The following ITSN1 variants were observed in gnomAD, a reference collection of about 807,000 sequenced individuals.
ITSN1 encodes intersectin 1.
In ITSN1, 58 loss-of-function variants were observed where a neutral mutation model predicts 239.8. The observed-to-expected ratio is 0.24, with a 90% CI of 0.20 to 0.30. ITSN1 has a LOEUF of 0.30. ITSN1 is among the 10% of genes least tolerant of loss of function. The pLI, the probability that ITSN1 is intolerant of heterozygous loss-of-function variation, is 1.00. For missense variants in ITSN1, 1,558 were observed against 2,103.3 expected (o/e 0.74, Z 5.07); for synonymous variants, 780 against 770.8 (o/e 1.01, Z -0.20).
At chr21:33,761,902 C>G in intron 8 of ITSN1, 21 bp from the exon 9 acceptor site, 1 of 1,602,606 alleles carries the variant, frequency 6.2e-7, no homozygotes, top group Non-Finnish European at 8.6e-7. Flanking sequence ...TCTGTATGTC[C>G]TTTTCCTGGT....
chr21:33,859,526 C>T (rs1038768515), intron 31 of ITSN1, among the ~76,000 whole-genome samples: 1 of 152,202 alleles, frequency 6.6e-6, no homozygotes, highest in Non-Finnish European at 1.5e-5. Flanking sequence ...GATTAAGTCA[C>T]AGCCTGCAGG....
intron 27 of ITSN1, among the ~76,000 whole-genome samples, chr21:33,831,541 A>G (rs1260823441): frequency 1.3e-5 from 2 of 152,180 alleles, no homozygotes; most frequent in Non-Finnish European, 2.9e-5. Flanking sequence ...TTTGCCATGC[A>G]GTGGACTAGC....
chr21:33,727,967 ATTT>A (rs1257578712), intron 4 of ITSN1, among the ~76,000 whole-genome samples: 5 of 137,204 alleles, frequency 3.6e-5, no homozygotes, highest in Non-Finnish European at 4.8e-5. Flanking sequence ...AGCAGCTGGA[ATTT>A]TTTTTTTTTT....
intron 1 of ITSN1, among the ~76,000 whole-genome samples, chr21:33,695,426 G>T (rs1212656223): frequency 6.6e-6 from 1 of 152,212 alleles, no homozygotes; most frequent in African/African-American, 2.4e-5. Flanking sequence ...ATGTTATTCA[G>T]TGAAGTACAT....
rs899776395 is a variant in ITSN1 at position 33,872,809 on chromosome 21, T to C, written c.4174-2545T>C. 4.6e-5 allele frequency among the ~76,000 whole-genome samples: 7 copies of C among 152,150 alleles called. 1 individual carries two copies. The highest frequency in any genetic ancestry group is 3.2e-3 in the Middle Eastern group (1 of 316). On this transcript the variant is annotated intron_variant, in intron 33 of 39. Coordinates refer to ENST00000381318, the MANE Select transcript of ITSN1 (RefSeq NM_003024.3). Reference sequence around the variant, plus strand: ...GGCCTCCCAAAGCAATTTTTATTCTTGAAATAATGGGGAGATTATTAGTGA... The same window carrying C: ...GGCCTCCCAAAGCAATTTTTATTCTCGAAATAATGGGGAGATTATTAGTGA...
intron 34 of ITSN1, among the ~76,000 whole-genome samples, chr21:33,876,111 T>TTCCC (rs1983736639): frequency 3.5e-4 from 1 of 2,850 alleles, no homozygotes; most frequent in African/African-American, 2.8e-3. Context: ...CCTTCTTTCT[T>TTCCC]TCTTTCTTTC....
At position 33,885,458 on chromosome 21, in the gene ITSN1, A is replaced by G. The variant is rs1985628429; in HGVS notation, c.4779A>G (p.Thr1593=). ...TCATAGTCCGTTCCCAAAGGGCAACAGGCATTGGAAGGTTGATGGTGAACG... is the reference window on the plus strand; with the variant it reads ...TCATAGTCCGTTCCCAAAGGGCAACGGGCATTGGAAGGTTGATGGTGAACG... The part of the protein sequence containing the change: ...KAYLVRSQRA[T]GIGRLMVNVV... The change falls in exon 38 of 40, where the codon ACA becomes ACG. Residue 1593 remains threonine, a synonymous_variant. Transcript: ENST00000381318. The G allele has an allele frequency of 1.2e-6, 2 of 1,614,038 alleles. No homozygotes were observed.
intron 11 of ITSN1, 70 bp downstream of exon 11, chr21:33,767,898 C>CA: frequency 1.2e-6 from 1 of 840,638 alleles, no homozygotes; most frequent in Non-Finnish European, 1.9e-6. Flanking sequence ...ATCTCTAAGA[C>CA]AAAGATAGAG....
chr21:33,664,750 A>G (rs1263180979), intron 1 of ITSN1, among the ~76,000 whole-genome samples: 1 of 152,228 alleles, frequency 6.6e-6, no homozygotes, highest in Non-Finnish European at 1.5e-5. Context: ...GATTGTTATT[A>G]TTCTTATCAC....
intron 1 of ITSN1, among the ~76,000 whole-genome samples, chr21:33,654,569 A>G (rs1011991718): frequency 2.0e-5 from 3 of 151,846 alleles, no homozygotes; most frequent in Non-Finnish European, 4.4e-5. Flanking sequence ...ATTTCTTCCT[A>G]CCTCCTTCTC....
intron 5 of ITSN1, among the ~76,000 whole-genome samples, chr21:33,746,628 G>C (rs1398281834): frequency 6.6e-6 from 1 of 152,168 alleles, no homozygotes; most frequent in Non-Finnish European, 1.5e-5. Flanking sequence ...ATCACCTGAG[G>C]TAGAGAGTTC....
In ITSN1 at chr21:33,896,791, C is replaced by T. The variant is rs915164116; in HGVS notation, c.*8491C>T. 1 of 152,204 alleles carries T rather than the reference C, an allele frequency of 6.6e-6. No individual in the cohort carries two copies. Among genetic ancestry groups the T allele is most frequent in the African/African-American group, 2.4e-5 (1 of 41,434 alleles). 9.4% of individuals were successfully genotyped at this position (152,204 alleles called of 1,614,324 possible). Reference sequence around the variant, plus strand: ...TCCAAAATGTTTGCAGTTCCATTTGCTTTTTGCAAGTAGGTCCCCATCTCC... The same window carrying T: ...TCCAAAATGTTTGCAGTTCCATTTGTTTTTTGCAAGTAGGTCCCCATCTCC... On this transcript the variant is annotated 3_prime_UTR_variant, in exon 40 of 40. Transcript: ENST00000381318.
intron 1 of ITSN1, among the ~76,000 whole-genome samples, chr21:33,695,656 T>G (rs1293688780): frequency 6.6e-6 from 1 of 152,194 alleles, no homozygotes; most frequent in Non-Finnish European, 1.5e-5. Flanking sequence ...TTAGAAAGTT[T>G]TTTATATTAT....
chr21:33,663,843 C>T (rs900680093), intron 1 of ITSN1, among the ~76,000 whole-genome samples: 4 of 152,232 alleles, frequency 2.6e-5, no homozygotes, highest in Middle Eastern at 6.8e-3. Flanking sequence ...TCAGGTGATC[C>T]GCCCACCTCG....
intron 1 of ITSN1, among the ~76,000 whole-genome samples, chr21:33,692,919 G>A (rs1036350342): frequency 6.6e-6 from 1 of 152,026 alleles, no homozygotes. Context: ...ACAGGGGCAT[G>A]CCAACATGCC....
At chr21:33,671,028 A>T (rs1213787519) in intron 1 of ITSN1, among the ~76,000 whole-genome samples, 1 of 152,130 alleles carries the variant, frequency 6.6e-6, no homozygotes, top group Non-Finnish European at 1.5e-5. Context: ...TGTGAAATGG[A>T]ATTTGGTTTT....
chr21:33,721,285 C>T lies in ITSN1; in HGVS notation c.121+15C>T. ...ATTCATTACTGGTAATCACAGTCAG[C>T]ATTTTTTCATTTTTACTTATCAGTA... On this transcript the variant is annotated intron_variant, in intron 3 of 39. Transcript: ENST00000381318. 2 of 1,510,112 alleles carry T rather than the reference C, an allele frequency of 1.3e-6. No homozygotes were observed. Among genetic ancestry groups the T allele is most frequent in the Non-Finnish European group, 1.8e-6 (2 of 1,085,614 alleles). 93.5% of individuals were successfully genotyped at this position (1,510,112 alleles called of 1,614,324 possible).
intron 20 of ITSN1, among the ~76,000 whole-genome samples, chr21:33,805,358 A>AT (rs1388898811): frequency 3.3e-5 from 5 of 152,152 alleles, no homozygotes; most frequent in Non-Finnish European, 7.4e-5. Context: ...CCTGACAGAC[A>AT]TTTTTTTAAA....
intron 1 of ITSN1, among the ~76,000 whole-genome samples, chr21:33,665,952 G>A (rs1230251968): frequency 8.0e-5 from 12 of 150,700 alleles, no homozygotes; most frequent in South Asian, 4.2e-4. Context: ...TTTTTGAGAG[G>A]GAGTCTCGCT....
Sources: allele counts gnomAD v4.1 joint callset (sites outside exome capture counted in the v4.1 genomes callset), GRCh38; gene constraint gnomAD v4.1.1; transcripts MANE v1.5; gene names NCBI Gene and HGNC (gene_info 2026-07-23, HGNC 2026-07-21).